The following C15orf40 variants were observed in gnomAD, a reference collection of about 807,000 sequenced individuals.
C15orf40 encodes the protein UPF0235 protein C15orf40.
Under a neutral mutation model 13.9 loss-of-function variants are expected in C15orf40, and 9 were observed. That is an observed-to-expected ratio of 0.65 (90% CI 0.39 to 1.13). The LOEUF is 1.13. C15orf40 is among the 50% of genes most tolerant of loss of function. The probability of loss-of-function intolerance (pLI) is 0.01; values close to 1 mark genes in which losing one functional copy is unlikely to be tolerated. For missense variants in C15orf40, 225 were observed against 188.5 expected, an observed-to-expected ratio of 1.19 and a Z score of -1.13; for synonymous variants, 95 against 69.2, an observed-to-expected ratio of 1.37 and a Z score of -1.85.
In C15orf40 at chr15:83,009,271, TATA is replaced by T. The variant is rs202171505; in HGVS notation, c.239-599_239-597del. Among the ~76,000 whole-genome samples, 373 of 152,366 alleles carry T rather than the reference TATA, an allele frequency of 2.4e-3. 4 individuals are homozygous for T. In the East Asian group the frequency reaches 0.039, roughly 16 times the overall value. On this transcript the variant is annotated intron_variant, in intron 2 of 3. Coordinates refer to ENST00000304177, the MANE Select transcript of C15orf40 (RefSeq NM_144597.3). ...TACAAATACTAACTTCTTTAATCCT[TATA>T]ATAACTTTATGAAGATATTAGTACC...
At chr15:82,992,965 G>GA (rs957293733), downstream of C15orf40, among the ~76,000 whole-genome samples, 1 of 152,008 alleles carries the variant, frequency 6.6e-6, no homozygotes, top group African/African-American at 2.4e-5. Flanking sequence ...AAAATAACAT[G>GA]AAAAAAAGCT....
In C15orf40 at chr15:82,997,705, A is replaced by G. The variant is rs1645133505; in HGVS notation, c.*7892T>C. 5.4e-6 allele frequency: 1 copy of G among 186,668 alleles called. No individual in the cohort carries two copies. The highest frequency in any genetic ancestry group is 1.1e-5 in the Non-Finnish European group (1 of 89,900). 11.6% of individuals were successfully genotyped at this position (186,668 alleles called of 1,614,324 possible). On this transcript the variant is annotated 3_prime_UTR_variant, in exon 4 of 4. Coordinates refer to ENST00000304177, the MANE Select transcript of C15orf40 (RefSeq NM_144597.3). ...CCATTGTCATCCTGGCCCGTTCTCA[A>G]TGAGCTGTTGGGCACACCTCCCAGA...
At chr15:82,994,379 C>T (rs1341699718), downstream of C15orf40, among the ~76,000 whole-genome samples, 13 of 151,952 alleles carry the variant, frequency 8.6e-5, no homozygotes, top group Admixed American at 7.2e-4. Flanking sequence ...CAAGCCAAAC[C>T]GAAATACAAT....
At chr15:82,989,181 G>C, downstream of C15orf40, 8 of 1,612,358 alleles carry the variant, frequency 5.0e-6, no homozygotes, top group Non-Finnish European at 6.8e-6. Flanking sequence ...AAGAAACAGA[G>C]GCAATCGGTG....
Position 83,003,772 on chromosome 15 carries a change from A to C in C15orf40, c.*1825T>G, listed in dbSNP as rs1681206720. ...GATTTTTTCTTTCTTTTTGAGACGGAGTCTCACTCTTGTCGCCGAGGCTGG... is the reference window on the plus strand; with the variant it reads ...GATTTTTTCTTTCTTTTTGAGACGGCGTCTCACTCTTGTCGCCGAGGCTGG... On this transcript the variant is annotated 3_prime_UTR_variant, in exon 4 of 4. Coordinates refer to ENST00000304177, the MANE Select transcript of C15orf40 (RefSeq NM_144597.3). 6.6e-6 allele frequency: 1 copy of C among 152,158 alleles called. No homozygotes were observed. The highest frequency in any genetic ancestry group is 2.1e-4 in the South Asian group (1 of 4,832). The allele number at this position is 152,158 out of a possible 1,614,324, so 9.4% of individuals were successfully genotyped here.
intron 3 of C15orf40, among the ~76,000 whole-genome samples, chr15:83,007,473 TA>T (rs1477146595): frequency 2.6e-5 from 4 of 152,182 alleles, no homozygotes; most frequent in Non-Finnish European, 5.9e-5. Context: ...TGAAGGAGAC[TA>T]AATAGGAAGA....
chr15:83,000,549 T>C lies in C15orf40; in HGVS notation c.*5048A>G, dbSNP rs959849718. 8 of 152,240 alleles carry C rather than the reference T, an allele frequency of 5.3e-5. No individual in the cohort carries two copies. Among genetic ancestry groups the C allele is most frequent in the African/African-American group, 1.9e-4 (8 of 41,466 alleles). The allele number at this position is 152,240 out of a possible 1,614,324, so 9.4% of individuals were successfully genotyped here. On this transcript the variant is annotated 3_prime_UTR_variant, in exon 4 of 4. Transcript: ENST00000304177. ...CACTGCAGACTACCTAATAGTGCTG[T>C]TCACTACAAAAGGAAACGAGTTTCA...
downstream of C15orf40, among the ~76,000 whole-genome samples, chr15:82,993,232 G>C (rs2030931152): frequency 1.3e-5 from 2 of 152,190 alleles, no homozygotes; most frequent in African/African-American, 2.4e-5. Flanking sequence ...TGAGAATATA[G>C]AGTTGTGACC....
intron 2 of C15orf40, 40 bp downstream of exon 2, chr15:83,010,197 C>G: frequency 6.2e-7 from 1 of 1,612,626 alleles, no homozygotes; most frequent in Non-Finnish European, 8.5e-7. Flanking sequence ...TAGGAGACAC[C>G]TGATTCACAC....
intron 1 of C15orf40, 142 bp from the exon 2 acceptor site, chr15:83,010,505 G>C (rs1030562070): frequency 1.1e-6 from 1 of 936,592 alleles, no homozygotes; most frequent in African/African-American, 1.7e-5. Flanking sequence ...CACCTAGAAA[G>C]CTTTTCCCAC....
At chr15:83,008,313 G>A in intron 3 of C15orf40, 2 of 435,328 alleles carry the variant, frequency 4.6e-6, no homozygotes, top group Non-Finnish European at 4.2e-6. Flanking sequence ...GAGGTCAGGA[G>A]TTCAAGACCA....
chr15:82,996,655 AAATAAAATAAAAT>A lies in C15orf40; in HGVS notation c.*8929_*8941del, dbSNP rs199929917. 31,033 of 150,776 alleles carry A rather than the reference AAATAAAATAAAAT, an allele frequency of 0.21. 3,374 individuals are homozygous for A. Among genetic ancestry groups the A allele is most frequent in the African/African-American group, 0.23 (9,435 of 41,228 alleles). The allele number at this position is 150,776 out of a possible 1,614,324, so 9.3% of individuals were successfully genotyped here. A position where few individuals can be genotyped will look rare whatever the true frequency, so the allele number is the denominator to read the frequency against. On this transcript the variant is annotated 3_prime_UTR_variant, in exon 4 of 4. Transcript: ENST00000304177. The stretch of plus-strand genomic sequence containing the variant: ...GAGACTCCGTCTCAAAATAAAATTA[AAATAAAATAAAAT>A]AATAAAATAAAATAAAAAATATAAA...
intron 2 of C15orf40, 93 bp from the exon 3 acceptor site, chr15:83,008,768 G>A: frequency 1.5e-6 from 2 of 1,365,668 alleles, no homozygotes; most frequent in East Asian, 2.4e-5. Flanking sequence ...CATTTGCCTG[G>A]CACACAGATT....
chr15:83,001,508 A>C lies in C15orf40; in HGVS notation c.*4089T>G, dbSNP rs1043028843. The C allele has an allele frequency of 1.2e-5, 2 of 164,066 alleles. No homozygotes were observed. The highest frequency in any genetic ancestry group is 4.0e-4 in the South Asian group (2 of 5,030). The allele number at this position is 164,066 out of a possible 1,614,324, so 10.2% of individuals were successfully genotyped here. On this transcript the variant is annotated 3_prime_UTR_variant, in exon 4 of 4. Transcript: ENST00000304177. ...CTCAGGACAGCACAGGACAAGAAAGACAGTGTAATCAAGTCACTATAGACT... is the reference window on the plus strand; with the variant it reads ...CTCAGGACAGCACAGGACAAGAAAGCCAGTGTAATCAAGTCACTATAGACT...
In C15orf40 at chr15:83,003,949, T is replaced by C. The variant is rs144409942; in HGVS notation, c.*1648A>G. 5.8e-4 allele frequency: 88 copies of C among 152,278 alleles called. No homozygotes were observed. Among genetic ancestry groups the C allele is most frequent in the African/African-American group, 2.0e-3 (83 of 41,558 alleles). 9.4% of individuals were successfully genotyped at this position (152,278 alleles called of 1,614,324 possible). On this transcript the variant is annotated 3_prime_UTR_variant, in exon 4 of 4. Transcript: ENST00000304177. ...TTTTAGTAGAGATGGGGTTTTACTA[T>C]GTTGGCCGGGCTGGTCTCAAACTCC...
Position 83,011,520 on chromosome 15 carries a change from T to C in C15orf40, c.88A>G (p.Lys30Glu). 1 of 1,607,218 alleles carries C rather than the reference T, an allele frequency of 6.2e-7. No homozygotes were observed. Among genetic ancestry groups the C allele is most frequent in the Non-Finnish European group, 8.5e-7 (1 of 1,178,280 alleles). ...GCCTTGGTCGTCGCACCAGCCTTCT[T>C]AGGCATCTCGGCGCAAAGAAGCCGA... ...SARLLCAEMP[K>E]KAGATTKGKS... The change falls in exon 1 of 4, where the codon AAG (lysine) becomes GAG (glutamate). Residue 30 changes from lysine (K) to glutamate (E), a missense_variant. Transcript: ENST00000304177.
At chr15:82,992,185 C>T (rs2030890895), downstream of C15orf40, 2 of 353,706 alleles carry the variant, frequency 5.7e-6, no homozygotes, top group Admixed American at 7.7e-5. Context: ...TGGCACTGTA[C>T]TCCAGTTTGG....
intron 3 of C15orf40, chr15:83,006,503 T>C (rs1027145436): frequency 5.2e-5 from 51 of 978,036 alleles, no homozygotes; most frequent in South Asian, 1.4e-4. Context: ...CTCACACCTG[T>C]AATCCTAGCA....
intron 3 of C15orf40, 117 bp downstream of exon 3, chr15:83,008,431 A>C: frequency 9.6e-7 from 1 of 1,040,514 alleles, no homozygotes; most frequent in East Asian, 2.7e-5. Flanking sequence ...AGGCAGGAGA[A>C]TAGCTTGAAC....
Sources: allele counts gnomAD v4.1 joint callset (sites outside exome capture counted in the v4.1 genomes callset), GRCh38; gene constraint gnomAD v4.1.1; transcripts MANE v1.5; gene names NCBI Gene and HGNC (gene_info 2026-07-23, HGNC 2026-07-21).